Variants in CSMD1 observed in about 807,000 individuals in gnomAD.
CSMD1 encodes CUB and Sushi multiple domains 1, also known as CUB and sushi domain-containing protein 1.
A neutral mutation model predicts 417.5 loss-of-function variants in CSMD1; 213 were observed. The ratio of observed to expected loss-of-function variants is 0.51; its 90% confidence interval spans 0.46 to 0.57. CSMD1 has a LOEUF of 0.57. Among genes scored for constraint, CSMD1 ranks in the 20% least tolerant of loss-of-function variants. The pLI, the probability that CSMD1 is intolerant of heterozygous loss-of-function variation, is 0.00. For synonymous variants in CSMD1, 2,862 were observed against 1,736.8 expected (o/e 1.65, Z -16.11); for missense variants, 6,923 against 4,529.7 (o/e 1.53, Z -15.17).
chr8:3,246,999 C>G (rs1428655277), intron 26 of CSMD1, among the ~76,000 whole-genome samples: 2 of 152,086 alleles, frequency 1.3e-5, no homozygotes, highest in Non-Finnish European at 2.9e-5. Flanking sequence ...AGAGTTATTA[C>G]CTTTGTGGAT....
intron 50 of CSMD1, among the ~76,000 whole-genome samples, chr8:3,048,323 T>C (rs1164105104): frequency 6.6e-6 from 1 of 152,184 alleles, no homozygotes; most frequent in Non-Finnish European, 1.5e-5. Context: ...CGATACATCA[T>C]ATTCTGTCGT....
At chr8:4,671,178 T>A in intron 1 of CSMD1, among the ~76,000 whole-genome samples, 1 of 152,260 alleles carries the variant, frequency 6.6e-6, no homozygotes, top group Admixed American at 6.5e-5. Flanking sequence ...TGATGCTTAG[T>A]ATTCCATTCC....
chr8:4,184,635 T>C (rs1284914697), intron 3 of CSMD1, among the ~76,000 whole-genome samples: 1 of 152,072 alleles, frequency 6.6e-6, no homozygotes, highest in African/African-American at 2.4e-5. Flanking sequence ...TGTTCTCATT[T>C]ATAAGTTGGA....
intron 39 of CSMD1, 37 bp downstream of exon 39, chr8:3,157,860 G>C (rs1439615626): frequency 6.7e-7 from 1 of 1,501,700 alleles, no homozygotes; most frequent in Non-Finnish European, 9.1e-7. Context: ...TTCCCAGTGT[G>C]TGCGCAGCAG....
At chr8:4,308,561 C>A (rs377547245) in intron 3 of CSMD1, among the ~76,000 whole-genome samples, 6 of 152,304 alleles carry the variant, frequency 3.9e-5, no homozygotes, top group African/African-American at 1.2e-4. Flanking sequence ...TTCGATATAT[C>A]TTCCTGTGCT....
At chr8:4,555,875 T>A (rs1042623008) in intron 2 of CSMD1, among the ~76,000 whole-genome samples, 6 of 152,128 alleles carry the variant, frequency 3.9e-5, no homozygotes, top group African/African-American at 1.4e-4. Flanking sequence ...CTGAAAAGAC[T>A]TTCTTTAAAA....
chr8:3,447,257 C>A (rs28548672), intron 12 of CSMD1, among the ~76,000 whole-genome samples: 13,633 of 151,940 alleles, frequency 0.09, 694 homozygotes, highest in African/African-American at 0.13. Flanking sequence ...TAGCAGCACA[C>A]TTTTTTATGA....
chr8:3,934,573 G>C (rs1810359170), intron 5 of CSMD1, among the ~76,000 whole-genome samples: 1 of 152,116 alleles, frequency 6.6e-6, no homozygotes, highest in Non-Finnish European at 1.5e-5. Flanking sequence ...TGGTATATTT[G>C]GCCAGGCGCG....
At chr8:3,777,081 ACTAT>A (rs1037835084) in intron 5 of CSMD1, among the ~76,000 whole-genome samples, 6 of 150,840 alleles carry the variant, frequency 4.0e-5, no homozygotes, top group Admixed American at 6.6e-5. Flanking sequence ...CATGCTTCCT[ACTAT>A]CTATCTATCA....
rs750152499 is a variant in CSMD1, at chr8:3,308,731, A to AATTTT, written c.3632-229_3632-228insAAAAT. 7.7e-3 allele frequency among the ~76,000 whole-genome samples: 580 copies of AATTTT among 75,660 alleles called. 6 individuals carry two copies. Among genetic ancestry groups the AATTTT allele is most frequent in the Admixed American group, 0.013 (71 of 5,340 alleles). 49.6% of individuals were successfully genotyped at this position (75,660 alleles called of 152,430 possible). A position where few individuals can be genotyped will look rare whatever the true frequency, so the allele number is the denominator to read the frequency against. On this transcript the variant is annotated intron_variant, in intron 23 of 69. Coordinates refer to ENST00000635120, the MANE Select transcript of CSMD1 (RefSeq NM_033225.6). ...TCTTATTTGTTCCTCCCTACTTACAAGTTTTTTTTTTTTTTTTTTTTTGCT... is the reference window on the plus strand; with the variant it reads ...TCTTATTTGTTCCTCCCTACTTACAAATTTTGTTTTTTTTTTTTTTTTTTTTTGCT...
intron 52 of CSMD1, among the ~76,000 whole-genome samples, chr8:3,004,944 G>C (rs138757999): frequency 0.037 from 5,573 of 152,244 alleles, 136 homozygotes; most frequent in African/African-American, 0.074. Flanking sequence ...TTCGAGACCA[G>C]CCTGGCCAAC....
chr8:2,992,360 G>T (rs1168491986), intron 54 of CSMD1, among the ~76,000 whole-genome samples: 1 of 152,222 alleles, frequency 6.6e-6, no homozygotes, highest in Admixed American at 6.5e-5. Flanking sequence ...TGGTCATGGC[G>T]AAAGCGCCCC....
At chr8:3,429,880 T>C (rs1007207491) in intron 12 of CSMD1, among the ~76,000 whole-genome samples, 3 of 152,166 alleles carry the variant, frequency 2.0e-5, no homozygotes, top group African/African-American at 7.2e-5. Context: ...TTTGGTCACA[T>C]AAACTGTGCA....
intron 5 of CSMD1, among the ~76,000 whole-genome samples, chr8:3,821,389 C>T (rs1018531306): frequency 6.6e-6 from 1 of 152,172 alleles, no homozygotes; most frequent in Admixed American, 6.5e-5. Context: ...GCATATGGCA[C>T]CATCACCACA....
At chr8:4,902,499 G>A (rs936284858) in intron 1 of CSMD1, among the ~76,000 whole-genome samples, 4 of 151,892 alleles carry the variant, frequency 2.6e-5, no homozygotes, top group Admixed American at 2.6e-4. Context: ...ATATAATGTA[G>A]TTTGCAAAGC....
intron 2 of CSMD1, among the ~76,000 whole-genome samples, chr8:4,615,848 AT>A (rs1312064928): frequency 1.3e-5 from 2 of 152,112 alleles, no homozygotes; most frequent in Non-Finnish European, 2.9e-5. Flanking sequence ...TTTCTGATAT[AT>A]TATTCTTTCA....
chr8:3,421,178 A>G (rs563590676), intron 12 of CSMD1, among the ~76,000 whole-genome samples: 4 of 152,216 alleles, frequency 2.6e-5, no homozygotes, highest in Admixed American at 6.5e-5. Flanking sequence ...TCTTAAACTC[A>G]TACTACAAGA....
At chr8:4,917,566 G>A (rs756470579) in intron 1 of CSMD1, among the ~76,000 whole-genome samples, 97 of 152,232 alleles carry the variant, frequency 6.4e-4, no homozygotes, top group Non-Finnish European at 1.1e-3. Flanking sequence ...CCCAGGAAGC[G>A]GAGGTTGCAG....
At position 3,190,063 on chromosome 8, in the gene CSMD1, G is replaced by T; in HGVS notation, c.5247C>A (p.Tyr1749Ter). Residue 1749 changes from tyrosine (Y) to a stop codon, truncating the protein, a stop_gained, in exon 34 of 70, where the codon TAC becomes TAA. Coordinates refer to ENST00000635120, the MANE Select transcript of CSMD1 (RefSeq NM_033225.6). LOFTEE classifies it high-confidence loss of function. ...AAAACTCAGAACCAATTCTCCTTCC[G>T]TATCTGGGCTCGGGGACAGAGCTGC... ...TQCSSVPEPR[Y>*]GRRIGSEFSA... 6.3e-7 allele frequency: 1 copy of T among 1,596,066 alleles called. No homozygotes were observed. The highest frequency in any genetic ancestry group is 1.1e-5 in the South Asian group (1 of 87,530).
Sources: allele counts gnomAD v4.1 joint callset (sites outside exome capture counted in the v4.1 genomes callset), GRCh38; gene constraint gnomAD v4.1.1; transcripts MANE v1.5; gene names NCBI Gene and HGNC (gene_info 2026-07-23, HGNC 2026-07-21).